Variants in LRPPRC observed in about 807,000 individuals in gnomAD.
LRPPRC encodes the protein leucine-rich PPR motif-containing protein, mitochondrial.
A neutral mutation model predicts 180.3 loss-of-function variants in LRPPRC; 120 were observed. That is an observed-to-expected ratio of 0.67 (90% confidence interval 0.57 to 0.77). The LOEUF is 0.77. Ranked by LOEUF, LRPPRC falls within the 30% of genes least tolerant of loss-of-function variation. The pLI is 0.00. For missense variants in LRPPRC, 2,012 were observed against 1,657.2 expected, an observed-to-expected ratio of 1.21 and a Z score of -3.72; for synonymous variants, 723 against 600.0, an observed-to-expected ratio of 1.21 and a Z score of -3.00.
At chr2:43,898,164 A>G (rs551475877) in intron 34 of LRPPRC, among the ~76,000 whole-genome samples, 3 of 152,246 alleles carry the variant, frequency 2.0e-5, no homozygotes, top group South Asian at 2.1e-4. Flanking sequence ...CTCCAGCAAC[A>G]AAAGTAAGAG....
chr2:43,966,314 G>A (rs1354465448), intron 11 of LRPPRC, among the ~76,000 whole-genome samples: 3 of 151,912 alleles, frequency 2.0e-5, no homozygotes, highest in African/African-American at 7.2e-5. Context: ...ATGGTCCATA[G>A]GTATAAATTT....
chr2:43,968,500 T>C (rs1206150956), intron 11 of LRPPRC, among the ~76,000 whole-genome samples: 1 of 152,168 alleles, frequency 6.6e-6, no homozygotes, highest in East Asian at 1.9e-4. Context: ...AAAAAGAATT[T>C]TCAATATTAC....
intron 27 of LRPPRC, 96 bp from the exon 28 acceptor site, chr2:43,918,494 G>T: frequency 1.0e-6 from 1 of 969,156 alleles, no homozygotes; most frequent in Non-Finnish European, 1.6e-6. Context: ...GTTGAAGAAA[G>T]CATTATTCCA....
intron 27 of LRPPRC, 63 bp downstream of exon 27, chr2:43,925,004 T>A: frequency 1.0e-6 from 1 of 975,330 alleles, no homozygotes. Context: ...AACCAAATAC[T>A]CCTTTCCTGC....
chr2:43,973,510 A>AT lies in LRPPRC; in HGVS notation c.1369+96dup, dbSNP rs1673909193. The AT allele has an allele frequency of 5.0e-6, 4 of 800,984 alleles. No homozygotes were observed. The South Asian group carries it at 5.5e-5, about 11-fold the overall frequency. The allele number at this position is 800,984 out of a possible 1,614,324, so 49.6% of individuals were successfully genotyped here. A position where few individuals can be genotyped will look rare whatever the true frequency, so the allele number is the denominator to read the frequency against. The stretch of plus-strand genomic sequence containing the variant: ...TTCCATTATCTCATAATACTCAGGA[A>AT]TAAGTATGCTTTTCCAAAGAATCCA... On this transcript the variant is annotated intron_variant, in intron 11 of 37. Transcript: ENST00000260665.
chr2:43,908,604 C>G (rs1671143416), intron 30 of LRPPRC, among the ~76,000 whole-genome samples: 1 of 144,688 alleles, frequency 6.9e-6, no homozygotes, highest in Non-Finnish European at 1.5e-5. Flanking sequence ...TCACTGCAAC[C>G]TCCGCCTCCC....
chr2:43,899,429 G>A (rs1670807840), intron 33 of LRPPRC, 37 bp downstream of exon 33: 2 of 1,613,544 alleles, frequency 1.2e-6, no homozygotes, highest in Non-Finnish European at 1.7e-6. Flanking sequence ...GAGAGAAAAT[G>A]TGCTTGTGTG....
In LRPPRC at chr2:43,899,474, A is replaced by C. The variant is rs754385328; in HGVS notation, c.3701T>G (p.Val1234Gly). Residue 1234 changes from valine (V) to glycine (G), a missense_variant, in exon 33 of 38, where the codon GTT becomes GGT. By Grantham distance (109) the Val-to-Gly change is moderately radical (BLOSUM62 -3). Transcript: ENST00000260665. ...ACAAACAACTAACTTACTCTTTTCA[A>C]CTGCTGGTTCCAACTGCTCCTCTAT... ...KVIEEQLEPA[V>G]EKISIMAERL... 2 of 1,614,206 alleles carry C rather than the reference A, an allele frequency of 1.2e-6. No individual in the cohort carries two copies. The highest frequency in any genetic ancestry group is 2.2e-5 in the South Asian group (2 of 91,086).
intron 25 of LRPPRC, among the ~76,000 whole-genome samples, chr2:43,931,325 G>A (rs1310616401): frequency 6.6e-6 from 1 of 152,256 alleles, no homozygotes; most frequent in East Asian, 1.9e-4. Context: ...ATCTGCAGAA[G>A]AGACAGAAGG....
At chr2:43,913,373 C>G (rs1352606371) in intron 29 of LRPPRC, among the ~76,000 whole-genome samples, 1 of 152,156 alleles carries the variant, frequency 6.6e-6, no homozygotes, top group Non-Finnish European at 1.5e-5. Flanking sequence ...CATAAATGAA[C>G]TATCACGTAC....
rs1671046722 is a variant in LRPPRC, at chr2:43,905,737, T to C, written c.3319A>G (p.Asn1107Asp). ...ACTTGCGTTATGATGAGGCGGCTGTTGGCAGCATCGTTCAGTGTGAAGCCC... is the reference window on the plus strand; with the variant it reads ...ACTTGCGTTATGATGAGGCGGCTGTCGGCAGCATCGTTCAGTGTGAAGCCC... ...IKGFTLNDAA[N>D]SRLIITQVRR... Residue 1107 changes from asparagine (N) to aspartate (D), a missense_variant, in exon 31 of 38, where the codon AAC becomes GAC. Asn to Asp is a conservative substitution (Grantham distance 23). Coordinates refer to ENST00000260665, the MANE Select transcript of LRPPRC (RefSeq NM_133259.4). The C allele has an allele frequency of 6.2e-7, 1 of 1,613,978 alleles. No individual in the cohort carries two copies. Among genetic ancestry groups the C allele is most frequent in the Non-Finnish European group, 8.5e-7 (1 of 1,179,940 alleles).
intron 29 of LRPPRC, among the ~76,000 whole-genome samples, chr2:43,917,796 AT>A (rs1346076060): frequency 6.6e-6 from 1 of 152,198 alleles, no homozygotes; most frequent in Non-Finnish European, 1.5e-5. Context: ...CTCAAAAAAA[AT>A]AATAAAAAGA....
chr2:43,945,855 G>C (rs965516839), intron 21 of LRPPRC, among the ~76,000 whole-genome samples: 8 of 152,024 alleles, frequency 5.3e-5, no homozygotes, highest in African/African-American at 1.7e-4. Flanking sequence ...CCACTGTTGT[G>C]ATGATATATA....
chr2:43,963,241 T>C (rs1222782110), intron 12 of LRPPRC, among the ~76,000 whole-genome samples: 1 of 152,100 alleles, frequency 6.6e-6, no homozygotes, highest in African/African-American at 2.4e-5. Flanking sequence ...GGTCGGGAGT[T>C]TGAGTCCAGC....
At chr2:43,905,664 G>C in intron 31 of LRPPRC, 28 bp downstream of exon 31, 1 of 1,505,096 alleles carries the variant, frequency 6.6e-7, no homozygotes, top group Non-Finnish European at 9.3e-7. Context: ...GCATTAATGT[G>C]ACGTAAAGGT....
intron 30 of LRPPRC, among the ~76,000 whole-genome samples, chr2:43,909,960 G>A (rs1169542758): frequency 6.6e-6 from 1 of 152,162 alleles, no homozygotes. Flanking sequence ...AAGAAATGAT[G>A]TTTTACATAG....
In LRPPRC at chr2:43,899,665, T is replaced by G. The variant is rs982050608; in HGVS notation, c.3570-60A>C. 38 of 1,139,746 alleles carry G rather than the reference T, an allele frequency of 3.3e-5. 1 individual carries two copies. The Admixed American group carries it at 7.0e-4, about 21-fold the overall frequency. 70.6% of individuals were successfully genotyped at this position (1,139,746 alleles called of 1,614,324 possible). A position where few individuals can be genotyped will look rare whatever the true frequency, so the allele number is the denominator to read the frequency against. ...CTTTTATGTTAATATTACAGGCAGT[T>G]TAGTCTAAGAACTTACTTTTATATC... On this transcript the variant is annotated intron_variant, in intron 32 of 37. Transcript: ENST00000260665.
chr2:43,890,138 T>C (rs1370669829), intron 36 of LRPPRC: 2 of 497,816 alleles, frequency 4.0e-6, no homozygotes, highest in Non-Finnish European at 7.5e-6. Flanking sequence ...ATTGATACCA[T>C]TCACTTAGGT....
In LRPPRC at chr2:43,934,859, G is replaced by T. The variant is rs763960001; in HGVS notation, c.2524C>A (p.Leu842Ile). ...TCATAGCAGTCAATGGCGACCTCAA[G>T]AGCAGTAGATAGGTCGCCCCTTAGA... ...HLEKGDLSTA[L>I]EVAIDCYEKY... The change falls in exon 24 of 38, where the codon CTT becomes ATT. Residue 842 changes from leucine (L) to isoleucine (I), a missense_variant. Transcript: ENST00000260665. 1.8e-5 allele frequency: 29 copies of T among 1,613,006 alleles called. No individual in the cohort carries two copies. The highest frequency in any genetic ancestry group is 2.5e-5 in the Non-Finnish European group (29 of 1,179,188).
Sources: gnomAD v4.1 joint callset for allele counts (sites outside exome capture counted in the v4.1 genomes callset) on GRCh38, gnomAD v4.1.1 for gene constraint, MANE v1.5 for transcripts, NCBI Gene and HGNC (gene_info 2026-07-23, HGNC 2026-07-21) for gene names.